The following RAD51B variants were observed in gnomAD, a reference collection of about 807,000 sequenced individuals.
The protein encoded by RAD51B is DNA repair protein RAD51 homolog 2.
In RAD51B, 38 loss-of-function variants were observed where a neutral mutation model predicts 42.2. That is an observed-to-expected ratio of 0.90 (90% confidence interval 0.70 to 1.18). RAD51B has a LOEUF of 1.18. RAD51B is among the 50% of genes most tolerant of loss of function. The pLI, the probability that RAD51B is intolerant of heterozygous loss-of-function variation, is 0.00. For synonymous variants in RAD51B, 154 were observed against 145.2 expected (o/e 1.06, Z -0.43); for missense variants, 373 against 400.7 (o/e 0.93, Z 0.59).
chr14:68,247,940 T>C (rs1331332758), intron 7 of RAD51B, among the ~76,000 whole-genome samples: 1 of 152,192 alleles, frequency 6.6e-6, no homozygotes, highest in East Asian at 1.9e-4. Flanking sequence ...AATGCCTTCA[T>C]GTACATTTCT....
chr14:68,667,219 A>G (rs2140151105), intron 11 of RAD51B, among the ~76,000 whole-genome samples: 1 of 152,360 alleles, frequency 6.6e-6, no homozygotes, highest in East Asian at 1.9e-4. Context: ...ACTGGAGAGC[A>G]AGTAAGAGTT....
chr14:68,638,823 C>A (rs1892395652), intron 10 of RAD51B, among the ~76,000 whole-genome samples: 1 of 152,082 alleles, frequency 6.6e-6, no homozygotes, highest in African/African-American at 2.4e-5. Flanking sequence ...CCTGAACAGC[C>A]CATCTCAGAG....
At chr14:67,930,469 A>G (rs1334153001) in intron 7 of RAD51B, among the ~76,000 whole-genome samples, 2 of 152,258 alleles carry the variant, frequency 1.3e-5, no homozygotes, top group Non-Finnish European at 2.9e-5. Flanking sequence ...TTTGCTGGAT[A>G]TAGTATCCTT....
intron 7 of RAD51B, among the ~76,000 whole-genome samples, chr14:68,014,839 A>G (rs2075748012): frequency 6.8e-6 from 1 of 147,212 alleles, no homozygotes; most frequent in Admixed American, 6.7e-5. Flanking sequence ...AAACAATATA[A>G]GAATGAATGC....
intron 8 of RAD51B, among the ~76,000 whole-genome samples, chr14:68,351,066 G>C (rs1566826417): frequency 6.6e-6 from 1 of 152,194 alleles, no homozygotes; most frequent in Non-Finnish European, 1.5e-5. Context: ...CCTACGCCCT[G>C]AGGTTGGGGA....
At chr14:68,164,435 A>G (rs1369780765) in intron 7 of RAD51B, among the ~76,000 whole-genome samples, 1 of 152,204 alleles carries the variant, frequency 6.6e-6, no homozygotes, top group Non-Finnish European at 1.5e-5. Flanking sequence ...ATTTTATACT[A>G]CATTGGTGAA....
rs1253750245 is a variant in RAD51B at position 68,008,103 on chromosome 14, A to G, written c.756+120899A>G. On this transcript the variant is annotated intron_variant, in intron 7 of 10. Transcript: ENST00000471583. ...TTATAAAATTATATAGAATATGTCT[A>G]TATAATTTGAATCAGTAGTTTTACT... Among the ~76,000 whole-genome samples the G allele has an allele frequency of 2.0e-5, 3 of 151,896 alleles. No homozygotes were observed. The East Asian group carries it at 5.8e-4, about 29-fold the overall frequency.
At chr14:67,907,352 T>G (rs1047954383) in intron 7 of RAD51B, among the ~76,000 whole-genome samples, 2 of 152,114 alleles carry the variant, frequency 1.3e-5, no homozygotes, top group African/African-American at 4.8e-5. Context: ...TTTTCTATGC[T>G]TTAGTTCTCT....
At chr14:67,961,547 T>C (rs1318068553) in intron 7 of RAD51B, among the ~76,000 whole-genome samples, 2 of 152,210 alleles carry the variant, frequency 1.3e-5, no homozygotes, top group Non-Finnish European at 2.9e-5. Context: ...ATATTATTCT[T>C]GTATACATTT....
At chr14:68,457,689 C>G (rs1445759778) in intron 9 of RAD51B, among the ~76,000 whole-genome samples, 1 of 151,934 alleles carries the variant, frequency 6.6e-6, no homozygotes, top group African/African-American at 2.4e-5. Flanking sequence ...ACCTCCACCT[C>G]CTGGGTTCAA....
chr14:68,682,405 A>G (rs957889447), intron 11 of RAD51B, among the ~76,000 whole-genome samples: 5 of 152,208 alleles, frequency 3.3e-5, no homozygotes, highest in Non-Finnish European at 2.9e-5. Flanking sequence ...GTCTCTCCCA[A>G]AAGTTCTCTG....
At position 67,869,137 on chromosome 14, in the gene RAD51B, C is replaced by T. The variant is rs373667529; in HGVS notation, c.452+3998C>T. Among the ~76,000 whole-genome samples, 46 of 151,464 alleles carry T rather than the reference C, an allele frequency of 3.0e-4. No individual in the cohort carries two copies. In the South Asian group the frequency reaches 4.6e-3, roughly 15 times the overall value. On this transcript the variant is annotated intron_variant, in intron 5 of 10. Transcript: ENST00000471583. ...AAGGCTTCAGATGATCAAATTACTC[C>T]GAGCTACGGGAGGACATTCAAACCA... is the stretch of plus-strand genomic sequence containing the variant.
chr14:68,442,576 G>C (rs1258782431), intron 9 of RAD51B, among the ~76,000 whole-genome samples: 1 of 151,508 alleles, frequency 6.6e-6, no homozygotes, highest in Non-Finnish European at 1.5e-5. Context: ...GAGTAGCTGG[G>C]ACTACAGGTG....
chr14:68,134,384 A>G (rs2077965896), intron 7 of RAD51B, among the ~76,000 whole-genome samples: 1 of 152,202 alleles, frequency 6.6e-6, no homozygotes, highest in Non-Finnish European at 1.5e-5. Context: ...GTTTGGGACT[A>G]TTATGAATAA....
At chr14:68,187,624 G>A (rs2079183642) in intron 7 of RAD51B, among the ~76,000 whole-genome samples, 1 of 152,014 alleles carries the variant, frequency 6.6e-6, no homozygotes, top group African/African-American at 2.4e-5. Context: ...ATGGAGGAAG[G>A]GAAAAAGTTC....
At chr14:68,374,050 T>C (rs1335540920) in intron 8 of RAD51B, among the ~76,000 whole-genome samples, 1 of 152,360 alleles carries the variant, frequency 6.6e-6, no homozygotes, top group East Asian at 1.9e-4. Flanking sequence ...CCAGACATGT[T>C]AATTATCTTC....
intron 10 of RAD51B, among the ~76,000 whole-genome samples, chr14:68,648,148 CACACACGTATATATATATAT>C (rs1566963658): frequency 5.9e-4 from 46 of 77,674 alleles, no homozygotes; most frequent in Admixed American, 1.1e-3. Context: ...TATATATATA[CACACACGTATATATATATAT>C]ACACACGTAT....
At chr14:68,491,559 C>T (rs552793139) in intron 10 of RAD51B, among the ~76,000 whole-genome samples, 2 of 152,242 alleles carry the variant, frequency 1.3e-5, no homozygotes, top group Non-Finnish European at 2.9e-5. Context: ...CATGAAAGCC[C>T]ATGGACACTG....
At chr14:68,092,070 GCA>G (rs201220215) in intron 7 of RAD51B, among the ~76,000 whole-genome samples, 9,162 of 152,136 alleles carry the variant, frequency 0.06, 639 homozygotes, top group African/African-American at 0.17. Flanking sequence ...CTCTGTTATG[GCA>G]CCAGTACCAT....
Sources: allele counts gnomAD v4.1 joint callset (sites outside exome capture counted in the v4.1 genomes callset), GRCh38; gene constraint gnomAD v4.1.1; transcripts MANE v1.5; gene names NCBI Gene and HGNC (gene_info 2026-07-23, HGNC 2026-07-21).